GRID1: variants seen among roughly 807,000 people sequenced by gnomAD.
GRID1 encodes the protein glutamate ionotropic receptor delta type subunit 1.
In GRID1, 28 loss-of-function variants were observed where a neutral mutation model predicts 98.0. That is an observed-to-expected ratio of 0.29 (90% CI 0.21 to 0.39). The LOEUF (loss-of-function observed/expected upper bound fraction) is 0.39. Among genes scored for constraint, GRID1 ranks in the 10% least tolerant of loss-of-function variants. The pLI, the probability that GRID1 is intolerant of heterozygous loss-of-function variation, is 1.00. For synonymous variants in GRID1, 553 were observed against 538.5 expected (o/e 1.03, Z -0.37); for missense variants, 1,111 against 1,340.5 (o/e 0.83, Z 2.67).
chr10:85,820,079 TAGGCAGGC>T (rs1186072143), intron 8 of GRID1, among the ~76,000 whole-genome samples: 4 of 77,734 alleles, frequency 5.1e-5, no homozygotes, highest in African/African-American at 9.4e-5. Flanking sequence ...GGAAGGCAGG[TAGGCAGGC>T]AGGCAGGCAG....
chr10:85,889,483 G>A (rs1030989533), intron 5 of GRID1, among the ~76,000 whole-genome samples: 2 of 152,016 alleles, frequency 1.3e-5, no homozygotes, highest in African/African-American at 2.4e-5. Flanking sequence ...TGTCTCCCAG[G>A]TTCATAAATA....
In GRID1 at chr10:86,236,883, A is replaced by G. The variant is rs536197911; in HGVS notation, c.236-30235T>C. On this transcript the variant is annotated intron_variant, in intron 2 of 15. Transcript: ENST00000327946. ...GCCTGGCTCTCAGGGTTAGCAGGAGAGCAGAGAGCAGGAGGCAGAGTGGCA... is the reference window on the plus strand; with the variant it reads ...GCCTGGCTCTCAGGGTTAGCAGGAGGGCAGAGAGCAGGAGGCAGAGTGGCA... Among the ~76,000 whole-genome samples the G allele has an allele frequency of 2.0e-5, 3 of 152,194 alleles. No individual in the cohort carries two copies. The East Asian group carries it at 5.8e-4, about 29-fold the overall frequency.
chr10:85,779,031 C>A (rs533502546), intron 8 of GRID1, among the ~76,000 whole-genome samples: 4 of 152,192 alleles, frequency 2.6e-5, no homozygotes, highest in Non-Finnish European at 5.9e-5. Flanking sequence ...AAAAACAGTT[C>A]TGGAAATGAT....
At chr10:85,685,319 A>C (rs1232055417) in intron 12 of GRID1, among the ~76,000 whole-genome samples, 7 of 152,228 alleles carry the variant, frequency 4.6e-5, no homozygotes, top group Non-Finnish European at 8.8e-5. Context: ...TTTACAAGAT[A>C]TCATGAAAAT....
intron 8 of GRID1, among the ~76,000 whole-genome samples, chr10:85,729,874 T>C (rs949144579): frequency 3.9e-5 from 6 of 152,216 alleles, no homozygotes; most frequent in African/African-American, 1.4e-4. Context: ...TGAGAACTTG[T>C]CTCTAGAACA....
chr10:85,842,963 A>AAAAC (rs2131772679), intron 8 of GRID1, among the ~76,000 whole-genome samples: 1 of 131,592 alleles, frequency 7.6e-6, no homozygotes, highest in African/African-American at 2.6e-5. Flanking sequence ...AAAACAAAAC[A>AAAAC]AAAAAAACCC....
intron 8 of GRID1, among the ~76,000 whole-genome samples, chr10:85,848,136 AT>A (rs1590263125): frequency 6.6e-6 from 1 of 152,234 alleles, no homozygotes; most frequent in East Asian, 1.9e-4. Context: ...TATCAACCAT[AT>A]TTTTTAGCAT....
chr10:86,323,587 A>G (rs935664651), intron 2 of GRID1, among the ~76,000 whole-genome samples: 4 of 152,244 alleles, frequency 2.6e-5, no homozygotes, highest in African/African-American at 7.2e-5. Flanking sequence ...TGCTCCAGCA[A>G]CCACAAAAAT....
At chr10:86,326,020 C>T (rs529180013) in intron 2 of GRID1, among the ~76,000 whole-genome samples, 1 of 152,312 alleles carries the variant, frequency 6.6e-6, no homozygotes, top group Non-Finnish European at 1.5e-5. Context: ...GGAACTCATA[C>T]AAGAGTTCAG....
intron 2 of GRID1, among the ~76,000 whole-genome samples, chr10:86,331,567 G>A (rs958522664): frequency 2.0e-5 from 3 of 152,236 alleles, no homozygotes; most frequent in Non-Finnish European, 4.4e-5. Context: ...GCCCTCCACT[G>A]GACAGGGCTG....
intron 4 of GRID1, among the ~76,000 whole-genome samples, chr10:86,025,575 A>C (rs1387249340): frequency 6.6e-6 from 1 of 152,188 alleles, no homozygotes; most frequent in African/African-American, 2.4e-5. Context: ...CCACAACCCC[A>C]GAACAGGAGC....
At chr10:85,970,144 TATAACAA>T in intron 4 of GRID1, among the ~76,000 whole-genome samples, 1 of 152,048 alleles carries the variant, frequency 6.6e-6, no homozygotes, top group African/African-American at 2.4e-5. Flanking sequence ...TGAATATACC[TATAACAA>T]GTTAAGAAAT....
chr10:85,611,212 C>T (rs1244968267), intron 15 of GRID1, among the ~76,000 whole-genome samples: 4 of 152,204 alleles, frequency 2.6e-5, no homozygotes, highest in Non-Finnish European at 5.9e-5. Flanking sequence ...TTCTCTGTCT[C>T]TCTCACACAC....
intron 12 of GRID1, among the ~76,000 whole-genome samples, chr10:85,685,976 T>C (rs1441086602): frequency 6.6e-6 from 1 of 152,116 alleles, no homozygotes; most frequent in African/African-American, 2.4e-5. Flanking sequence ...AGATATACTA[T>C]GTTCATGAAT....
At chr10:85,733,518 G>C (rs1488586761) in intron 8 of GRID1, among the ~76,000 whole-genome samples, 1 of 152,188 alleles carries the variant, frequency 6.6e-6, no homozygotes, top group Non-Finnish European at 1.5e-5. Flanking sequence ...ACCTCAGATA[G>C]CACTTGACAG....
chr10:86,068,448 A>G (rs539667123), intron 4 of GRID1, among the ~76,000 whole-genome samples: 2 of 152,298 alleles, frequency 1.3e-5, no homozygotes, highest in Admixed American at 1.3e-4. Flanking sequence ...GCCATCCCCA[A>G]ATAGAACCTT....
intron 3 of GRID1, among the ~76,000 whole-genome samples, chr10:86,145,031 A>G (rs1053562400): frequency 1.3e-5 from 2 of 152,210 alleles, no homozygotes; most frequent in African/African-American, 4.8e-5. Context: ...TTCTCTCTTG[A>G]GATCATATCT....
intron 12 of GRID1, among the ~76,000 whole-genome samples, chr10:85,653,725 G>A (rs770659864): frequency 6.6e-6 from 1 of 152,178 alleles, no homozygotes; most frequent in Non-Finnish European, 1.5e-5. Flanking sequence ...CAGTCATCAT[G>A]GGAGGGGAGA....
At chr10:86,026,039 G>T (rs1379552408) in intron 4 of GRID1, among the ~76,000 whole-genome samples, 1 of 152,204 alleles carries the variant, frequency 6.6e-6, no homozygotes, top group Non-Finnish European at 1.5e-5. Flanking sequence ...CACTGGCACT[G>T]CCCTCAAGGC....
Sources: allele counts gnomAD v4.1 joint callset (sites outside exome capture counted in the v4.1 genomes callset), GRCh38; gene constraint gnomAD v4.1.1; transcripts MANE v1.5; gene names NCBI Gene and HGNC (gene_info 2026-07-23, HGNC 2026-07-21).